IGF2BP3: variants seen among roughly 807,000 people sequenced by gnomAD.
IGF2BP3 encodes the protein insulin like growth factor 2 mRNA binding protein 3.
In IGF2BP3, 9 loss-of-function variants were observed where a neutral mutation model predicts 73.8. That is an observed-to-expected ratio of 0.12 (90% confidence interval 0.07 to 0.21). The LOEUF is 0.21. IGF2BP3 is among the 10% of genes least tolerant of loss of function. The pLI is 1.00. For missense variants in IGF2BP3, 542 were observed against 714.0 expected, an observed-to-expected ratio of 0.76 and a Z score of 2.75; for synonymous variants, 258 against 256.7, an observed-to-expected ratio of 1.01 and a Z score of -0.05.
At chr7:23,377,855 A>G (rs1338940745) in intron 3 of IGF2BP3, among the ~76,000 whole-genome samples, 3 of 152,216 alleles carry the variant, frequency 2.0e-5, no homozygotes, top group African/African-American at 7.2e-5. Flanking sequence ...ATAAAAGGCC[A>G]CATATATATG....
chr7:23,375,177 A>C (rs1785680309), intron 3 of IGF2BP3, among the ~76,000 whole-genome samples: 1 of 152,178 alleles, frequency 6.6e-6, no homozygotes, highest in Non-Finnish European at 1.5e-5. Context: ...ATATATGAAT[A>C]AACTGAGGTC....
chr7:23,342,254 AAGTGAC>A, intron 9 of IGF2BP3, 65 bp from the exon 10 acceptor site: 1 of 1,560,398 alleles, frequency 6.4e-7, no homozygotes, highest in Non-Finnish European at 8.8e-7. Context: ...GAGCATTTTT[AAGTGAC>A]AGTATTCAAA....
At chr7:23,400,351 A>G (rs1450984542) in intron 3 of IGF2BP3, among the ~76,000 whole-genome samples, 4 of 152,196 alleles carry the variant, frequency 2.6e-5, no homozygotes, top group Non-Finnish European at 4.4e-5. Context: ...TCTAAGCTAT[A>G]TAATAAGCAG....
At chr7:23,328,572 G>A (rs1423567723) in intron 10 of IGF2BP3, among the ~76,000 whole-genome samples, 1 of 152,126 alleles carries the variant, frequency 6.6e-6, no homozygotes, top group African/African-American at 2.4e-5. Context: ...TGAATATAAG[G>A]AATAACTTTT....
chr7:23,377,717 T>G (rs1174719926), intron 3 of IGF2BP3, among the ~76,000 whole-genome samples: 1 of 152,224 alleles, frequency 6.6e-6, no homozygotes, highest in African/African-American at 2.4e-5. Context: ...GTCCATCAGC[T>G]GCTGGATGGA....
chr7:23,425,212 T>C (rs1787474410), intron 2 of IGF2BP3, among the ~76,000 whole-genome samples: 1 of 152,252 alleles, frequency 6.6e-6, no homozygotes. Context: ...TATGCTGATA[T>C]ATAATCTTAG....
At chr7:23,378,581 T>TG (rs1237476986) in intron 3 of IGF2BP3, among the ~76,000 whole-genome samples, 2 of 136,784 alleles carry the variant, frequency 1.5e-5, no homozygotes, top group African/African-American at 5.7e-5. Context: ...TTTTTTTTTT[T>TG]TTTTTTTTTT....
intron 3 of IGF2BP3, among the ~76,000 whole-genome samples, chr7:23,406,794 G>C (rs1786845268): frequency 1.3e-5 from 2 of 152,114 alleles, no homozygotes; most frequent in African/African-American, 4.8e-5. Context: ...GCTAGACACA[G>C]AGCACTGATT....
intron 2 of IGF2BP3, among the ~76,000 whole-genome samples, chr7:23,420,883 T>C (rs190274455): frequency 3.3e-5 from 5 of 152,214 alleles, no homozygotes; most frequent in Admixed American, 6.5e-5. Context: ...AAATCCAAAC[T>C]ATAGCTAGTA....
intron 10 of IGF2BP3, among the ~76,000 whole-genome samples, chr7:23,330,013 C>T (rs1189028231): frequency 2.0e-5 from 3 of 152,106 alleles, no homozygotes; most frequent in Admixed American, 1.3e-4. Context: ...CTGCCAGGCA[C>T]GGTGGCTCAC....
At chr7:23,462,684 T>C (rs752035145) in intron 2 of IGF2BP3, among the ~76,000 whole-genome samples, 8 of 152,152 alleles carry the variant, frequency 5.3e-5, no homozygotes, top group Non-Finnish European at 7.4e-5. Flanking sequence ...TACAATAACT[T>C]TAAACTATTT....
chr7:23,449,554 CTTTT>C (rs376571131), intron 2 of IGF2BP3, among the ~76,000 whole-genome samples: 19 of 106,924 alleles, frequency 1.8e-4, no homozygotes, highest in African/African-American at 4.9e-4. Flanking sequence ...TTTTCTTTTT[CTTTT>C]TTTTTTTTTT....
At chr7:23,321,502 G>A (rs1436627277) in intron 10 of IGF2BP3, among the ~76,000 whole-genome samples, 2 of 152,198 alleles carry the variant, frequency 1.3e-5, no homozygotes, top group Non-Finnish European at 2.9e-5. Flanking sequence ...GGGGAGGGGT[G>A]CCCGCCATTG....
Position 23,381,703 on chromosome 7 carries a change from G to C in IGF2BP3, c.286-19962C>G, listed in dbSNP as rs533845259. On this transcript the variant is annotated intron_variant, in intron 3 of 14. Coordinates refer to ENST00000258729, the MANE Select transcript of IGF2BP3 (RefSeq NM_006547.3). ...CCTGCCTCGGTCTCCTGAGTAGCTG[G>C]AATTACAGGCACGTACCACCACGCC... Among the ~76,000 whole-genome samples the C allele has an allele frequency of 1.4e-4, 21 of 151,996 alleles. No homozygotes were observed. In the South Asian group the frequency reaches 4.2e-3, roughly 30 times the overall value.
At chr7:23,452,064 G>C (rs1325255196) in intron 2 of IGF2BP3, among the ~76,000 whole-genome samples, 2 of 151,500 alleles carry the variant, frequency 1.3e-5, no homozygotes, top group African/African-American at 2.4e-5. Context: ...GAGCACAGTG[G>C]CGTGATATCA....
chr7:23,461,071 A>G (rs919321327), intron 2 of IGF2BP3, among the ~76,000 whole-genome samples: 1 of 152,180 alleles, frequency 6.6e-6, no homozygotes, highest in Non-Finnish European at 1.5e-5. Flanking sequence ...TATTTACAGC[A>G]GAGCCAGGCC....
intron 12 of IGF2BP3, among the ~76,000 whole-genome samples, chr7:23,314,886 C>A (rs1351432982): frequency 6.6e-6 from 1 of 152,062 alleles, no homozygotes; most frequent in Non-Finnish European, 1.5e-5. Context: ...CAACCTCCGA[C>A]CCCCGGGTTC....
chr7:23,359,949 GC>G (rs1785184413), intron 5 of IGF2BP3, among the ~76,000 whole-genome samples: 1 of 151,596 alleles, frequency 6.6e-6, no homozygotes. Context: ...TATATAAATT[GC>G]CAAAAAATTT....
intron 3 of IGF2BP3, chr7:23,366,065 A>C (rs528781136): frequency 6.6e-6 from 1 of 152,298 alleles, no homozygotes; most frequent in South Asian, 2.1e-4. Flanking sequence ...ATATATTCAA[A>C]ACAAAATTGC....
Sources: allele counts gnomAD v4.1 joint callset (sites outside exome capture counted in the v4.1 genomes callset), GRCh38; gene constraint gnomAD v4.1.1; transcripts MANE v1.5; gene names NCBI Gene and HGNC (gene_info 2026-07-23, HGNC 2026-07-21).